Variants in RHBDD1 observed in about 807,000 individuals in gnomAD.
RHBDD1 encodes rhomboid domain containing 1, also known as rhomboid-related protein 4.
RHBDD1 carries 38 observed loss-of-function variants against 36.3 expected under a neutral mutation model. The observed-to-expected ratio is 1.05, with a 90% CI of 0.81 to 1.37. The LOEUF (loss-of-function observed/expected upper bound fraction) is 1.37. Among genes scored for constraint, RHBDD1 ranks in the 40% most tolerant of loss-of-function variants. The pLI is 0.00. For missense variants in RHBDD1, 393 were observed against 377.6 expected (o/e 1.04, Z -0.34); for synonymous variants, 151 against 136.5 (o/e 1.11, Z -0.74).
chr2:226,873,874 T>G (rs1034722177), intron 5 of RHBDD1, among the ~76,000 whole-genome samples: 1 of 152,156 alleles, frequency 6.6e-6, no homozygotes, highest in African/African-American at 2.4e-5. Context: ...GTTTTCACAC[T>G]GCTATAAAGA....
intron 5 of RHBDD1, among the ~76,000 whole-genome samples, chr2:226,898,228 A>G (rs950947718): frequency 6.6e-6 from 1 of 152,206 alleles, no homozygotes; most frequent in Non-Finnish European, 1.5e-5. Flanking sequence ...TACTTGAACC[A>G]GCTCAGGGAA....
chr2:226,856,686 A>G (rs1279534531), intron 3 of RHBDD1, among the ~76,000 whole-genome samples: 1 of 152,218 alleles, frequency 6.6e-6, no homozygotes, highest in African/African-American at 2.4e-5. Context: ...TAAGAGAGAA[A>G]AAAATGCATG....
chr2:226,924,553 A>T (rs911036252), intron 8 of RHBDD1, among the ~76,000 whole-genome samples: 11 of 152,164 alleles, frequency 7.2e-5, no homozygotes, highest in Admixed American at 2.6e-4. Flanking sequence ...CCCCAGGTCC[A>T]CTGGCTCTGA....
rs142383631 is a variant in RHBDD1 at position 226,932,131 on chromosome 2, C to T, written c.856+17780C>T. On this transcript the variant is annotated intron_variant, in intron 8 of 8. Transcript: ENST00000392062. ...AAAATATTTTCTCTATCTGTTGAGACGATTATATAGTTTTTCTTTTTTATT... is the reference window on the plus strand; with the variant it reads ...AAAATATTTTCTCTATCTGTTGAGATGATTATATAGTTTTTCTTTTTTATT... 9.4e-4 allele frequency among the ~76,000 whole-genome samples: 143 copies of T among 152,088 alleles called. 2 individuals carry two copies. The highest frequency in any genetic ancestry group is 3.2e-3 in the African/African-American group (131 of 41,506).
At chr2:226,826,318 T>C in the RHBDD1 span, among the ~76,000 whole-genome samples, 1 of 152,194 alleles carries the variant, frequency 6.6e-6, no homozygotes, top group African/African-American at 2.4e-5. Context: ...ATTTTATTGT[T>C]ATTTCAGCTC....
chr2:226,943,610 TTG>T (rs1950797855), intron 8 of RHBDD1, among the ~76,000 whole-genome samples: 1 of 152,000 alleles, frequency 6.6e-6, no homozygotes. Flanking sequence ...ACTCTCTTCA[TTG>T]TGTCTTTAAA....
intron 7 of RHBDD1, among the ~76,000 whole-genome samples, chr2:226,911,493 A>G (rs1387162321): frequency 6.6e-6 from 1 of 151,602 alleles, no homozygotes; most frequent in South Asian, 2.1e-4. Flanking sequence ...TTCTTTGTGG[A>G]AAAGATGTAT....
intron 8 of RHBDD1, among the ~76,000 whole-genome samples, chr2:226,992,501 T>C (rs1958463108): frequency 6.6e-6 from 1 of 152,160 alleles, no homozygotes; most frequent in African/African-American, 2.4e-5. Context: ...CGGGCATTAT[T>C]GTGGTTTGGG....
In RHBDD1 at chr2:226,899,161, A is replaced by G. The variant is rs146654171; in HGVS notation, c.567-7632A>G. Among the ~76,000 whole-genome samples the G allele has an allele frequency of 1.7e-4, 26 of 152,244 alleles. No individual in the cohort carries two copies. In the East Asian group the frequency reaches 4.6e-3, roughly 27 times the overall value. On this transcript the variant is annotated intron_variant, in intron 5 of 8. Coordinates refer to ENST00000392062, the MANE Select transcript of RHBDD1 (RefSeq NM_001167608.3). ...CAGGAACATTTTGCATAACCACTTA[A>G]CTCAGCGTTACAATAGCCTCTTAAA... is the stretch of plus-strand genomic sequence containing the variant.
intron 8 of RHBDD1, among the ~76,000 whole-genome samples, chr2:226,987,836 C>T (rs532292125): frequency 2.0e-5 from 3 of 152,334 alleles, no homozygotes; most frequent in African/African-American, 7.2e-5. Context: ...GCTCCAACCA[C>T]CACTTACTGC....
chr2:226,900,769 G>A (rs1947520364), intron 5 of RHBDD1, among the ~76,000 whole-genome samples: 1 of 152,062 alleles, frequency 6.6e-6, no homozygotes, highest in Non-Finnish European at 1.5e-5. Context: ...ATATGTTTAA[G>A]GTGTATAATG....
At chr2:226,972,207 C>T (rs1232502042) in intron 8 of RHBDD1, among the ~76,000 whole-genome samples, 1 of 152,158 alleles carries the variant, frequency 6.6e-6, no homozygotes, top group Non-Finnish European at 1.5e-5. Flanking sequence ...TGTTAGTTTG[C>T]TGAGAATGAT....
chr2:226,989,029 T>C (rs965663199), intron 8 of RHBDD1, among the ~76,000 whole-genome samples: 1 of 152,248 alleles, frequency 6.6e-6, no homozygotes, highest in Admixed American at 6.5e-5. Flanking sequence ...TCTGGAGGTT[T>C]ACACATGCTG....
chr2:226,825,133 C>T, the RHBDD1 span, among the ~76,000 whole-genome samples: 3 of 152,170 alleles, frequency 2.0e-5, no homozygotes, highest in African/African-American at 4.8e-5. Context: ...ACACAGCACT[C>T]ATGAAATATT....
rs1490017985 is a variant in RHBDD1 at position 226,997,682 on chromosome 2, C to T, written c.*2160C>T. 1 of 152,132 alleles carries T rather than the reference C, an allele frequency of 6.6e-6. No homozygotes were observed. The highest frequency in any genetic ancestry group is 1.5e-5 in the Non-Finnish European group (1 of 68,020). 9.4% of individuals were successfully genotyped at this position (152,132 alleles called of 1,614,324 possible). ...AGTAGTACTTCCTTGCTCTGTTTGA[C>T]TTGTCAGATACAAAGACACGGGATT... On this transcript the variant is annotated 3_prime_UTR_variant, in exon 9 of 9. Coordinates refer to ENST00000392062, the MANE Select transcript of RHBDD1 (RefSeq NM_001167608.3).
intron 6 of RHBDD1, among the ~76,000 whole-genome samples, chr2:226,907,356 C>T (rs959494842): frequency 2.0e-5 from 3 of 152,116 alleles, no homozygotes; most frequent in African/African-American, 7.2e-5. Context: ...TCATGCATGG[C>T]GAAACCAAGT....
At chr2:226,898,600 T>C (rs147450529) in intron 5 of RHBDD1, among the ~76,000 whole-genome samples, 89 of 152,342 alleles carry the variant, frequency 5.8e-4, no homozygotes, top group African/African-American at 2.0e-3. Context: ...ATCATGCTGG[T>C]ATCATGGTTG....
In RHBDD1 at chr2:226,914,297, C is replaced by G; in HGVS notation, c.802C>G (p.Leu268Val). 6.2e-7 allele frequency: 1 copy of G among 1,613,782 alleles called. No homozygotes were observed. Among genetic ancestry groups the G allele is most frequent in the Non-Finnish European group, 8.5e-7 (1 of 1,179,810 alleles). The change falls in exon 8 of 9, where the codon CTG (leucine) becomes GTG (valine). Residue 268 changes from leucine (L) to valine (V), a missense_variant. By Grantham distance (32) the Leu-to-Val change is conservative (BLOSUM62 1). Coordinates refer to ENST00000392062, the MANE Select transcript of RHBDD1 (RefSeq NM_001167608.3). Reference sequence around the variant, plus strand: ...GAACTATGACACGTACACAGCAGGACTGAGTGAAGAAGAACAGCTCGAGAG... The same window carrying G: ...GAACTATGACACGTACACAGCAGGAGTGAGTGAAGAAGAACAGCTCGAGAG... ...PRNYDTYTAG[L>V]SEEEQLERAL... is the part of the protein sequence containing the mutation.
intron 8 of RHBDD1, among the ~76,000 whole-genome samples, chr2:226,924,958 T>C (rs192377778): frequency 1.8e-4 from 28 of 152,366 alleles, no homozygotes; most frequent in African/African-American, 6.5e-4. Context: ...AACCAGGTAC[T>C]GTGATCACTC....
Sources: allele counts gnomAD v4.1 joint callset (sites outside exome capture counted in the v4.1 genomes callset), GRCh38; gene constraint gnomAD v4.1.1; transcripts MANE v1.5; gene names NCBI Gene and HGNC (gene_info 2026-07-23, HGNC 2026-07-21).